KANK1: variants seen among roughly 807,000 people sequenced by gnomAD.
KANK1 encodes the protein KN motif and ankyrin repeat domain-containing protein 1.
Under a neutral mutation model 106.2 loss-of-function variants are expected in KANK1, and 109 were observed. The observed-to-expected ratio is 1.03, with a 90% CI of 0.88 to 1.20. The LOEUF (loss-of-function observed/expected upper bound fraction) is 1.20. KANK1 is among the 50% of genes most tolerant of loss of function. KANK1 has a pLI of 0.00. For missense variants in KANK1, 2,399 were observed against 1,710.7 expected (o/e 1.40, Z -7.10); for synonymous variants, 873 against 652.2 (o/e 1.34, Z -5.16).
intron 1 of KANK1, among the ~76,000 whole-genome samples, chr9:534,226 T>C (rs1260380661): frequency 6.6e-6 from 1 of 152,188 alleles, no homozygotes; most frequent in East Asian, 1.9e-4. Flanking sequence ...ATTCAGAAAA[T>C]GCAGAAATGT....
chr9:691,212 G>T (rs553586561), intron 2 of KANK1, among the ~76,000 whole-genome samples: 99 of 152,206 alleles, frequency 6.5e-4, no homozygotes, highest in African/African-American at 2.1e-3. Context: ...CATAGGGTCA[G>T]ATACAAGCTA....
intron 1 of KANK1, among the ~76,000 whole-genome samples, chr9:674,912 C>T (rs1230097923): frequency 6.6e-6 from 1 of 152,066 alleles, no homozygotes; most frequent in Non-Finnish European, 1.5e-5. Context: ...GCCATGTTGG[C>T]CAGGCTGGTC....
At chr9:562,111 G>C (rs1341580915) in intron 1 of KANK1, among the ~76,000 whole-genome samples, 1 of 142,382 alleles carries the variant, frequency 7.0e-6, no homozygotes, top group Non-Finnish European at 1.5e-5. Flanking sequence ...GGACTGCAGT[G>C]GCGCAATCTC....
intron 1 of KANK1, among the ~76,000 whole-genome samples, chr9:628,224 C>T (rs1165164328): frequency 6.6e-6 from 1 of 152,194 alleles, no homozygotes. Flanking sequence ...TCGTCTTCAA[C>T]CTGCTCCTGG....
intron 1 of KANK1, among the ~76,000 whole-genome samples, chr9:583,113 C>T (rs1291192526): frequency 1.3e-5 from 2 of 152,090 alleles, no homozygotes; most frequent in African/African-American, 4.8e-5. Flanking sequence ...TTGTGGCTGG[C>T]AGAAATGGGA....
chr9:657,611 T>C (rs1454238435), intron 1 of KANK1, among the ~76,000 whole-genome samples: 9 of 152,144 alleles, frequency 5.9e-5, no homozygotes, highest in African/African-American at 1.7e-4. Flanking sequence ...GAGGTGATAC[T>C]GTGGTTTTGA....
At chr9:662,701 A>G (rs9775076) in intron 1 of KANK1, among the ~76,000 whole-genome samples, 122,774 of 148,908 alleles carry the variant, frequency 0.82, 50,799 homozygotes, top group East Asian at 0.97. Context: ...TTGCTCTGTC[A>G]CCCAGGCTGG....
intron 1 of KANK1, among the ~76,000 whole-genome samples, chr9:629,772 G>C (rs1376368213): frequency 6.6e-6 from 1 of 152,182 alleles, no homozygotes; most frequent in African/African-American, 2.4e-5. Context: ...GCATAACAAA[G>C]TAGAGAGGAG....
intron 3 of KANK1, among the ~76,000 whole-genome samples, chr9:717,379 G>A (rs1015870917): frequency 3.3e-5 from 5 of 152,192 alleles, no homozygotes; most frequent in African/African-American, 7.2e-5. Context: ...GGTAGCCCGC[G>A]TGTGTTTGGT....
intron 1 of KANK1, among the ~76,000 whole-genome samples, chr9:590,091 C>T (rs192847002): frequency 1.6e-4 from 25 of 152,250 alleles, no homozygotes; most frequent in African/African-American, 5.5e-4. Flanking sequence ...TGCAATAACC[C>T]TCTTGTTTCC....
chr9:533,987 A>T (rs1004624269), intron 1 of KANK1, among the ~76,000 whole-genome samples: 1 of 152,194 alleles, frequency 6.6e-6, no homozygotes, highest in African/African-American at 2.4e-5. Context: ...AAGGAGAATA[A>T]TGTAAGTCAC....
chr9:700,074 G>C (rs1233138924), intron 2 of KANK1, among the ~76,000 whole-genome samples: 1 of 152,202 alleles, frequency 6.6e-6, no homozygotes, highest in Admixed American at 6.5e-5. Context: ...AACTCTGTGA[G>C]GAGAAGCATT....
rs796576231 is a variant in KANK1 at position 733,115 on chromosome 9, G to C, written c.3245+498G>C. On this transcript the variant is annotated intron_variant, in intron 6 of 11. Coordinates refer to ENST00000382297, the MANE Select transcript of KANK1 (RefSeq NM_015158.5). ...ATTTTGTTACACATTGAATGATCAG[G>C]AATACCACAAGAATGGATTTGGGTA... 3.9e-5 allele frequency: 6 copies of C among 152,868 alleles called. 1 individual carries two copies. Among genetic ancestry groups the C allele is most frequent in the African/African-American group, 1.4e-4 (6 of 41,560 alleles). The allele number at this position is 152,868 out of a possible 1,614,324, so 9.5% of individuals were successfully genotyped here.
chr9:690,588 G>A (rs1203318586), intron 2 of KANK1, among the ~76,000 whole-genome samples: 1 of 152,032 alleles, frequency 6.6e-6, no homozygotes, highest in Non-Finnish European at 1.5e-5. Context: ...TGAGGGCAGG[G>A]AACATTGGGG....
chr9:495,824 G>C (rs888849543), intron 3 of KANK1, among the ~76,000 whole-genome samples: 2 of 152,130 alleles, frequency 1.3e-5, no homozygotes, highest in African/African-American at 4.8e-5. Context: ...TCAAATGACA[G>C]CTCAGTTGTT....
At chr9:512,400 C>T (rs62531460) in intron 1 of KANK1, among the ~76,000 whole-genome samples, 24,180 of 152,018 alleles carry the variant, frequency 0.16, 3,467 homozygotes, top group African/African-American at 0.38. Flanking sequence ...GGAGAATTCC[C>T]TCCAGCTCAG....
intron 1 of KANK1, among the ~76,000 whole-genome samples, chr9:556,157 CTTATT>C (rs796364042): frequency 1.4e-4 from 22 of 152,158 alleles, no homozygotes; most frequent in African/African-American, 4.3e-4. Flanking sequence ...TTTAAAAAAT[CTTATT>C]TTAAAGAGGA....
chr9:634,490 G>A lies in KANK1; in HGVS notation c.-83-42400G>A, dbSNP rs868811072. Reference sequence around the variant, plus strand: ...AGCAATTGGGGAAGTCACAAACCTTGCAACCTCTGGCCACCTGACTTCTGA... The same window carrying A: ...AGCAATTGGGGAAGTCACAAACCTTACAACCTCTGGCCACCTGACTTCTGA... On this transcript the variant is annotated intron_variant, in intron 1 of 11. Coordinates refer to ENST00000382297, the MANE Select transcript of KANK1 (RefSeq NM_015158.5). Among the ~76,000 whole-genome samples the A allele has an allele frequency of 3.2e-4, 48 of 152,234 alleles. 1 individual carries two copies. The highest frequency in any genetic ancestry group is 2.9e-3 in the Admixed American group (45 of 15,290).
At chr9:598,930 C>A (rs980688821) in intron 1 of KANK1, among the ~76,000 whole-genome samples, 3 of 149,772 alleles carry the variant, frequency 2.0e-5, no homozygotes, top group Non-Finnish European at 4.4e-5. Flanking sequence ...CCATGCCCGG[C>A]CATCCCTAGG....
Sources: gnomAD v4.1 joint callset for allele counts (sites outside exome capture counted in the v4.1 genomes callset) on GRCh38, gnomAD v4.1.1 for gene constraint, MANE v1.5 for transcripts, NCBI Gene and HGNC (gene_info 2026-07-23, HGNC 2026-07-21) for gene names.